The following CFAP20 variants were observed in gnomAD, a reference collection of about 807,000 sequenced individuals.
CFAP20 encodes cilia- and flagella-associated protein 20.
A neutral mutation model predicts 25.5 loss-of-function variants in CFAP20; 14 were observed. The observed-to-expected ratio is 0.55, with a 90% CI of 0.36 to 0.86. The LOEUF is 0.86. CFAP20 is among the 40% of genes least tolerant of loss of function. The pLI, the probability that CFAP20 is intolerant of heterozygous loss-of-function variation, is 0.01. For missense variants in CFAP20, 181 were observed against 248.0 expected (o/e 0.73, Z 1.81); for synonymous variants, 75 against 91.1 (o/e 0.82, Z 1.01).
intron 1 of CFAP20, among the ~76,000 whole-genome samples, chr16:58,123,152 G>A (rs1362493303): frequency 1.3e-5 from 2 of 151,800 alleles, no homozygotes; most frequent in African/African-American, 4.8e-5. Flanking sequence ...GTGCCACCAT[G>A]CCCGGCTAAC....
At chr16:58,128,998 C>CA in intron 1 of CFAP20, 34 bp downstream of exon 1, 1 of 1,600,470 alleles carries the variant, frequency 6.2e-7, no homozygotes, top group Non-Finnish European at 8.5e-7. Context: ...GGTGCAGCCC[C>CA]TCCACCCCGC....
At chr16:58,127,352 T>G (rs1234408460) in intron 1 of CFAP20, among the ~76,000 whole-genome samples, 2 of 152,228 alleles carry the variant, frequency 1.3e-5, no homozygotes, top group African/African-American at 4.8e-5. Flanking sequence ...GTTCTCTATC[T>G]GCTCTGAAAA....
chr16:58,117,532 G>A (rs778143749), intron 1 of CFAP20, among the ~76,000 whole-genome samples: 3 of 152,238 alleles, frequency 2.0e-5, no homozygotes, highest in Non-Finnish European at 2.9e-5. Context: ...AGGTTCAAGC[G>A]ATTCTCTTGC....
intron 3 of CFAP20, 126 bp downstream of exon 3, chr16:58,115,915 A>C: frequency 4.7e-6 from 3 of 643,726 alleles, no homozygotes; most frequent in Non-Finnish European, 8.0e-6. Flanking sequence ...CTGGGCTTAT[A>C]CTAGAAGCAG....
intron 3 of CFAP20, 82 bp from the exon 4 acceptor site, chr16:58,115,539 C>A: frequency 1.3e-6 from 2 of 1,506,074 alleles, no homozygotes; most frequent in South Asian, 1.2e-5. Flanking sequence ...GACCTGAATT[C>A]CCACAGCTTG....
At chr16:58,116,630 T>C (rs912245391) in intron 2 of CFAP20, 2 of 529,494 alleles carry the variant, frequency 3.8e-6, no homozygotes, top group Non-Finnish European at 6.7e-6. Context: ...ACGTGTTTTA[T>C]ATATATTCAT....
At chr16:58,118,755 G>A (rs1366785790) in intron 1 of CFAP20, among the ~76,000 whole-genome samples, 2 of 151,390 alleles carry the variant, frequency 1.3e-5, no homozygotes, top group African/African-American at 4.9e-5. Flanking sequence ...CTGGGAGGTC[G>A]AGGCTGCAGT....
At chr16:58,120,250 C>T (rs1960516741) in intron 1 of CFAP20, among the ~76,000 whole-genome samples, 1 of 152,200 alleles carries the variant, frequency 6.6e-6, no homozygotes, top group South Asian at 2.1e-4. Flanking sequence ...TAAAACGGGA[C>T]AAACTGCAAA....
chr16:58,113,960 C>T lies in CFAP20; in HGVS notation c.*65G>A. 6.5e-7 allele frequency: 1 copy of T among 1,541,764 alleles called. No individual in the cohort carries two copies. Among genetic ancestry groups the T allele is most frequent in the African/African-American group, 1.4e-5 (1 of 73,358 alleles). ...ATAAATATGTTTTTGCATCGTCCTC[C>T]ACATAGTTTCCTTTTAAAAAGAAGA... is the stretch of plus-strand genomic sequence containing the variant. On this transcript the variant is annotated 3_prime_UTR_variant, in exon 6 of 6. Transcript: ENST00000262498.
At chr16:58,114,755 G>C in intron 5 of CFAP20, 55 bp downstream of exon 5, 1 of 1,432,940 alleles carries the variant, frequency 7.0e-7, no homozygotes, top group Non-Finnish European at 9.8e-7. Context: ...CACCTTCCAG[G>C]AACACAGCTC....
chr16:58,117,191 CA>C, intron 1 of CFAP20: 1 of 525,102 alleles, frequency 1.9e-6, no homozygotes, highest in South Asian at 2.8e-5. Context: ...TACATCAACT[CA>C]ATTTAGATTC....
chr16:58,128,832 GC>G (rs35532705), intron 1 of CFAP20, among the ~76,000 whole-genome samples, 199 bp downstream of exon 1: 4,017 of 74,302 alleles, frequency 0.054, 131 homozygotes, highest in East Asian at 0.14. Context: ...CACATGCACC[GC>G]CCCCCCCCCA....
At chr16:58,114,945 G>A in intron 4 of CFAP20, 25 bp from the exon 5 acceptor site, 3 of 1,571,950 alleles carry the variant, frequency 1.9e-6, no homozygotes, top group Non-Finnish European at 2.6e-6. Context: ...CTTCTTTTGA[G>A]AGGCGAAATG....
At chr16:58,125,000 T>C (rs1375157417) in intron 1 of CFAP20, among the ~76,000 whole-genome samples, 2 of 152,356 alleles carry the variant, frequency 1.3e-5, no homozygotes, top group Non-Finnish European at 2.9e-5. Context: ...TTATAAACTT[T>C]AAAAATTTTA....
chr16:58,119,384 C>T (rs552696970), intron 1 of CFAP20: 1 of 152,366 alleles, frequency 6.6e-6, no homozygotes, highest in South Asian at 2.1e-4. Context: ...TGGAATCTGT[C>T]ACCCTAAGAG....
rs762892615 is a variant in CFAP20, at chr16:58,115,272, C to T, written c.462G>A (p.Val154=). Reference sequence around the variant, plus strand: ...CTATCTGGGAAAGGAGCAGTACCTGCACTCTGAGGGTCTCGATGTAATTGG... The same window carrying T: ...CTATCTGGGAAAGGAGCAGTACCTGTACTCTGAGGGTCTCGATGTAATTGG... ...YGTNYIETLR[V]QIHANCRIRR... The change falls in exon 4 of 6, where the codon GTG becomes GTA. Residue 154 remains valine, a synonymous_variant. Transcript: ENST00000262498. 2.1e-5 allele frequency: 34 copies of T among 1,614,016 alleles called. No homozygotes were observed. In the East Asian group the frequency reaches 4.7e-4, roughly 22 times the overall value.
chr16:58,116,321 C>T (rs182311632), intron 2 of CFAP20, among the ~76,000 whole-genome samples, 169 bp from the exon 3 acceptor site: 9 of 152,294 alleles, frequency 5.9e-5, no homozygotes, highest in South Asian at 2.1e-4. Flanking sequence ...CTTTAACAAA[C>T]GCTGGACCCA....
chr16:58,127,367 T>C (rs1275916902), intron 1 of CFAP20, among the ~76,000 whole-genome samples: 1 of 152,204 alleles, frequency 6.6e-6, no homozygotes, highest in East Asian at 1.9e-4. Flanking sequence ...TGAAAACCTC[T>C]CCTCCTAGGT....
intron 1 of CFAP20, chr16:58,119,363 T>C (rs1025051477): frequency 6.6e-6 from 1 of 152,246 alleles, no homozygotes; most frequent in African/African-American, 2.4e-5. Flanking sequence ...GTTCAAATAT[T>C]TGCTGACTTC....
Sources: allele counts gnomAD v4.1 joint callset (sites outside exome capture counted in the v4.1 genomes callset), GRCh38; gene constraint gnomAD v4.1.1; transcripts MANE v1.5; gene names NCBI Gene and HGNC (gene_info 2026-07-23, HGNC 2026-07-21).